The following SRPRA variants were observed in gnomAD, a reference collection of about 807,000 sequenced individuals.
The protein encoded by SRPRA is signal recognition particle receptor subunit alpha.
A neutral mutation model predicts 61.1 loss-of-function variants in SRPRA; 30 were observed. That is an observed-to-expected ratio of 0.49 (90% CI 0.37 to 0.67). The LOEUF is 0.67. SRPRA is among the 30% of genes least tolerant of loss of function. The pLI, the probability that SRPRA is intolerant of heterozygous loss-of-function variation, is 0.00. For missense variants in SRPRA, 759 were observed against 828.4 expected (o/e 0.92, Z 1.03); for synonymous variants, 324 against 299.7 (o/e 1.08, Z -0.84).
chr11:126,254,328 G>A, the SRPRA span: 115 of 1,614,178 alleles, frequency 7.1e-5, no homozygotes, highest in African/African-American at 1.4e-3. Flanking sequence ...CTCAGGAGAA[G>A]CGTAAGCTGA....
the SRPRA span, among the ~76,000 whole-genome samples, chr11:126,247,998 A>G: frequency 1.4e-5 from 2 of 139,134 alleles, no homozygotes; most frequent in African/African-American, 5.3e-5. Flanking sequence ...GTATATATAT[A>G]TACAAGGCGT....
Position 126,268,096 on chromosome 11 carries a change from G to C in SRPRA, c.118-10C>G. 1 of 1,613,406 alleles carries C rather than the reference G, an allele frequency of 6.2e-7. No individual in the cohort carries two copies. The highest frequency in any genetic ancestry group is 8.5e-7 in the Non-Finnish European group (1 of 1,179,432). On this transcript the variant is annotated splice_polypyrimidine_tract_variant and intron_variant, in intron 1 of 13. Transcript: ENST00000332118. ...TGTTACCTCCCCGTTCCTGGAGAAA[G>C]AGTATGTCTCAGTGTTCAGACTATC...
At chr11:126,260,785 T>C (rs970205686), downstream of SRPRA, 1 of 152,234 alleles carries the variant, frequency 6.6e-6, no homozygotes, top group Non-Finnish European at 1.5e-5. Context: ...TTTTCTTCCA[T>C]GTGTTCAGCT....
intron 5 of SRPRA, 36 bp from the exon 6 acceptor site, chr11:126,266,665 G>T (rs779779494): frequency 6.2e-7 from 1 of 1,609,926 alleles, no homozygotes; most frequent in South Asian, 1.1e-5. Context: ...TTATGGTGGA[G>T]AAGTAGGAAA....
the SRPRA span, among the ~76,000 whole-genome samples, chr11:126,237,659 A>G: frequency 7.4e-6 from 1 of 135,798 alleles, no homozygotes; most frequent in Non-Finnish European, 1.6e-5. Context: ...CCTGGGTAAC[A>G]TAGTGAAACC....
At chr11:126,260,369 T>A (rs12792746), downstream of SRPRA, 13,234 of 150,772 alleles carry the variant, frequency 0.088, 786 homozygotes, top group Non-Finnish European at 0.13. Context: ...CTGTGCTTTT[T>A]TTCATAGTTG....
chr11:126,259,727 A>G (rs1379375545), downstream of SRPRA, among the ~76,000 whole-genome samples: 1 of 119,868 alleles, frequency 8.3e-6, no homozygotes, highest in East Asian at 2.5e-4. Context: ...GCCCGGGCCT[A>G]TTTATTGATT....
At chr11:126,251,731 CTTT>C in the SRPRA span, among the ~76,000 whole-genome samples, 2 of 137,438 alleles carry the variant, frequency 1.5e-5, no homozygotes, top group African/African-American at 2.7e-5. Flanking sequence ...TAACTTGCAG[CTTT>C]TTTTTTTTTT....
the SRPRA span, among the ~76,000 whole-genome samples, chr11:126,253,774 A>G: frequency 2.6e-5 from 4 of 152,220 alleles, no homozygotes; most frequent in Admixed American, 2.6e-4. This position sits in a 1 kb window ranked among gnomAD's most constrained non-coding sequence, Gnocchi z 5.1. Context: ...CCAGCAGGCT[A>G]GCCCAGGCTT....
chr11:126,237,343 C>T, the SRPRA span, among the ~76,000 whole-genome samples: 4 of 149,114 alleles, frequency 2.7e-5, no homozygotes, highest in Non-Finnish European at 5.9e-5. Context: ...GCCTCAGCCT[C>T]CTGAGTAGCT....
chr11:126,256,701 G>C, the SRPRA span: 2 of 1,614,190 alleles, frequency 1.2e-6, no homozygotes, highest in South Asian at 2.2e-5. The surrounding 1 kb of genome is among the most constrained non-coding windows in gnomAD (Gnocchi z 6.6). Context: ...ATTTCATGCT[G>C]GTTCGGAGAG....
the SRPRA span, among the ~76,000 whole-genome samples, chr11:126,240,381 C>T: frequency 0.013 from 1,999 of 151,082 alleles, 19 homozygotes; most frequent in Middle Eastern, 0.037. Flanking sequence ...CTTAATTTGT[C>T]CTGGGGTTCT....
chr11:126,267,115 G>A lies in SRPRA; in HGVS notation c.526+60C>T, dbSNP rs1950825705. ...AATGACAAAAGGAAGGACCACCTCAGTCCTTAGCACCGTGTTAACACCTTT... is the reference window on the plus strand; with the variant it reads ...AATGACAAAAGGAAGGACCACCTCAATCCTTAGCACCGTGTTAACACCTTT... On this transcript the variant is annotated intron_variant, in intron 4 of 13. Transcript: ENST00000332118. The surrounding 1 kb of genome is among the most constrained non-coding windows in gnomAD (Gnocchi z 4.2). The A allele has an allele frequency of 6.2e-7, 1 of 1,600,818 alleles. No homozygotes were observed. The highest frequency in any genetic ancestry group is 8.5e-7 in the Non-Finnish European group (1 of 1,172,680).
In SRPRA at chr11:126,264,776, T is replaced by C; in HGVS notation, c.1525+183A>G. 1.3e-6 allele frequency: 1 copy of C among 759,712 alleles called. No homozygotes were observed. Among genetic ancestry groups the C allele is most frequent in the East Asian group, 2.7e-5 (1 of 37,110 alleles). 47.1% of individuals were successfully genotyped at this position (759,712 alleles called of 1,614,324 possible). On this transcript the variant is annotated intron_variant, in intron 11 of 13. Transcript: ENST00000332118. The surrounding 1 kb of genome is among the most constrained non-coding windows in gnomAD (Gnocchi z 5.0). ...TCAGGTTTCTCTGGTTAAGGTATAT[T>C]AGCTTTGCCTGCAACTACATCTGTT...
chr11:126,246,398 G>A, the SRPRA span, among the ~76,000 whole-genome samples: 8 of 152,182 alleles, frequency 5.3e-5, no homozygotes, highest in African/African-American at 1.9e-4. Flanking sequence ...TTTGGAATCA[G>A]ACTCTGCCAC....
the SRPRA span, among the ~76,000 whole-genome samples, chr11:126,251,446 T>C: frequency 4.6e-5 from 7 of 152,310 alleles, no homozygotes; most frequent in East Asian, 1.4e-3. Flanking sequence ...GCCAGAGTGG[T>C]AGCTGAAATA....
chr11:126,250,641 G>A, the SRPRA span: 13 of 1,613,988 alleles, frequency 8.1e-6, no homozygotes, highest in South Asian at 1.1e-4. The surrounding 1 kb of genome is among the most constrained non-coding windows in gnomAD (Gnocchi z 5.1). Context: ...TGGAGCCCTC[G>A]TATTAACTAC....
chr11:126,267,320 G>A lies in SRPRA; in HGVS notation c.381C>T (p.Ser127=). The change falls in exon 4 of 14, where the codon AGC becomes AGT. Residue 127 remains serine (S), a synonymous_variant. Transcript: ENST00000332118. The surrounding 1 kb of genome is among the most constrained non-coding windows in gnomAD (Gnocchi z 4.2). The stretch of plus-strand genomic sequence containing the variant: ...TGGTAGTGGGAGCACGGATCTTACT[G>A]CTCTCCTCTGCTTCACTAAACAAAA... ...FLRLLREAEE[S]SKIRAPTTMK... 2 of 1,613,860 alleles carry A rather than the reference G, an allele frequency of 1.2e-6. No individual in the cohort carries two copies. The highest frequency in any genetic ancestry group is 1.7e-6 in the Non-Finnish European group (2 of 1,179,972).
chr11:126,260,126 G>A (rs553271253), downstream of SRPRA, among the ~76,000 whole-genome samples: 161 of 151,902 alleles, frequency 1.1e-3, no homozygotes, highest in Non-Finnish European at 1.8e-3. Flanking sequence ...TGACCTCCCC[G>A]GGCTCAGGCG....
Sources: gnomAD v4.1 joint callset for allele counts (sites outside exome capture counted in the v4.1 genomes callset) on GRCh38, gnomAD v4.1.1 for gene constraint, Gnocchi (gnomAD v3.1) non-coding constraint, MANE v1.5 for transcripts, NCBI Gene and HGNC (gene_info 2026-07-23, HGNC 2026-07-21) for gene names.